The following LDB2 variants were observed in gnomAD, a reference collection of about 807,000 sequenced individuals.
The protein encoded by LDB2 is LIM domain-binding protein 2.
Under a neutral mutation model 44.3 loss-of-function variants are expected in LDB2, and 12 were observed. The ratio of observed to expected loss-of-function variants is 0.27; its 90% confidence interval spans 0.17 to 0.44. The LOEUF is 0.44. Ranked by LOEUF, LDB2 falls within the 20% of genes least tolerant of loss-of-function variation. The probability of loss-of-function intolerance (pLI) is 1.00; values close to 1 mark genes in which losing one functional copy is unlikely to be tolerated. For missense variants in LDB2, 344 were observed against 473.5 expected, an observed-to-expected ratio of 0.73 and a Z score of 2.54; for synonymous variants, 164 against 174.8, an observed-to-expected ratio of 0.94 and a Z score of 0.49.
intron 2 of LDB2, among the ~76,000 whole-genome samples, chr4:16,672,722 G>A (rs1745130006): frequency 6.6e-6 from 1 of 152,080 alleles, no homozygotes; most frequent in South Asian, 2.1e-4. Flanking sequence ...GCCTCTCTCA[G>A]GTCAGGAAAA....
At chr4:16,621,362 A>AT (rs575808172) in intron 2 of LDB2, among the ~76,000 whole-genome samples, 226 of 152,288 alleles carry the variant, frequency 1.5e-3, no homozygotes, top group African/African-American at 5.1e-3. Flanking sequence ...AGAGCAAGGC[A>AT]TAGCCTATAG....
At chr4:16,520,275 G>GA (rs1725529959) in intron 5 of LDB2, among the ~76,000 whole-genome samples, 2 of 139,084 alleles carry the variant, frequency 1.4e-5, no homozygotes, top group Admixed American at 1.5e-4. Flanking sequence ...AACACATAAT[G>GA]AAAAAATATA....
chr4:16,557,700 T>C (rs1356203299), intron 5 of LDB2, among the ~76,000 whole-genome samples: 3 of 152,206 alleles, frequency 2.0e-5, no homozygotes, highest in Non-Finnish European at 4.4e-5. Context: ...TCTCACAGCT[T>C]TGAAGAGAGC....
chr4:16,538,170 A>AAAAG (rs1394108317), intron 5 of LDB2, among the ~76,000 whole-genome samples: 2 of 152,190 alleles, frequency 1.3e-5, no homozygotes, highest in African/African-American at 4.8e-5. Context: ...TTAAAGCAGC[A>AAAAG]AAAGACAAAA....
intron 2 of LDB2, among the ~76,000 whole-genome samples, chr4:16,659,659 ATATC>A (rs952100780): frequency 2.2e-5 from 3 of 136,290 alleles, no homozygotes; most frequent in Non-Finnish European, 4.8e-5. Context: ...ACATATGAGT[ATATC>A]TATGTGTGTA....
intron 1 of LDB2, among the ~76,000 whole-genome samples, chr4:16,841,295 T>C (rs775785289): frequency 2.0e-5 from 3 of 152,204 alleles, no homozygotes; most frequent in African/African-American, 4.8e-5. Context: ...TTTTAGCACA[T>C]AGAAAATGTG....
chr4:16,580,234 G>A (rs552219063), intron 5 of LDB2, among the ~76,000 whole-genome samples: 4 of 152,260 alleles, frequency 2.6e-5, no homozygotes, highest in African/African-American at 9.6e-5. Flanking sequence ...AGGCTGGGAG[G>A]CAGCAGAGGC....
chr4:16,764,723 A>G (rs562085752), intron 1 of LDB2, among the ~76,000 whole-genome samples: 2 of 152,334 alleles, frequency 1.3e-5, no homozygotes, highest in Non-Finnish European at 2.9e-5. Flanking sequence ...TGCTGACCGT[A>G]AACTTAGAGC....
intron 3 of LDB2, among the ~76,000 whole-genome samples, chr4:16,592,388 T>C (rs1440651139): frequency 2.0e-5 from 3 of 150,998 alleles, no homozygotes; most frequent in Non-Finnish European, 4.4e-5. Context: ...TGCTTTTAGA[T>C]TAACACTTGT....
chr4:16,886,031 CAA>C (rs1052658637), intron 1 of LDB2, among the ~76,000 whole-genome samples: 2 of 151,872 alleles, frequency 1.3e-5, no homozygotes, highest in African/African-American at 2.4e-5. Flanking sequence ...GCCTGGGTAA[CAA>C]AGAGAAATTC....
At chr4:16,656,139 A>G (rs1739787419) in intron 2 of LDB2, among the ~76,000 whole-genome samples, 1 of 152,058 alleles carries the variant, frequency 6.6e-6, no homozygotes, top group African/African-American at 2.4e-5. Context: ...GGACCTCGTG[A>G]TCCACCCGCC....
At chr4:16,692,426 C>T (rs1751002601) in intron 2 of LDB2, among the ~76,000 whole-genome samples, 1 of 152,120 alleles carries the variant, frequency 6.6e-6, no homozygotes, top group African/African-American at 2.4e-5. Flanking sequence ...CTAAAATCTG[C>T]CAGCAGCAGC....
chr4:16,872,993 G>T (rs183488374), intron 1 of LDB2, among the ~76,000 whole-genome samples: 1 of 152,272 alleles, frequency 6.6e-6, no homozygotes, highest in Admixed American at 6.5e-5. Context: ...ACAGGGGAAA[G>T]CAATCAGATA....
At chr4:16,887,160 G>A (rs191386429) in intron 1 of LDB2, among the ~76,000 whole-genome samples, 2 of 150,092 alleles carry the variant, frequency 1.3e-5, no homozygotes, top group African/African-American at 4.9e-5. Context: ...TGCTTGGTAA[G>A]TGTGTTTGGA....
intron 5 of LDB2, among the ~76,000 whole-genome samples, chr4:16,542,265 C>G (rs868242358): frequency 2.6e-5 from 4 of 152,180 alleles, no homozygotes; most frequent in Admixed American, 2.0e-4. Context: ...CGCAAAGCCT[C>G]ATATTCAAAA....
At chr4:16,781,964 T>G (rs1219835155) in intron 1 of LDB2, among the ~76,000 whole-genome samples, 1 of 152,146 alleles carries the variant, frequency 6.6e-6, no homozygotes, top group Non-Finnish European at 1.5e-5. Flanking sequence ...CTCAAAGTTC[T>G]CAGAAGGAAC....
At chr4:16,508,471 T>G in intron 7 of LDB2, 64 bp downstream of exon 7, 2 of 1,347,308 alleles carry the variant, frequency 1.5e-6, no homozygotes, top group Admixed American at 5.4e-5. Context: ...AGACTTTAAT[T>G]TGGGCCCTTT....
chr4:16,637,178 G>A (rs1733822369), intron 2 of LDB2, among the ~76,000 whole-genome samples: 1 of 151,974 alleles, frequency 6.6e-6, no homozygotes, highest in African/African-American at 2.4e-5. Context: ...CTACTTTTGT[G>A]GAGTCTAAAG....
chr4:16,890,286 G>A (rs2110509839), intron 1 of LDB2, among the ~76,000 whole-genome samples: 1 of 152,312 alleles, frequency 6.6e-6, no homozygotes, highest in South Asian at 2.1e-4. Flanking sequence ...GAGAGTCACA[G>A]GATCTGATTT....
Sources: gnomAD v4.1 joint callset for allele counts (sites outside exome capture counted in the v4.1 genomes callset) on GRCh38, gnomAD v4.1.1 for gene constraint, MANE v1.5 for transcripts, NCBI Gene and HGNC (gene_info 2026-07-23, HGNC 2026-07-21) for gene names.